COL11A1: variants seen among roughly 807,000 people sequenced by gnomAD.
The protein encoded by COL11A1 is collagen alpha-1(XI) chain.
A neutral mutation model predicts 265.2 loss-of-function variants in COL11A1; 74 were observed. That is an observed-to-expected ratio of 0.28 (90% confidence interval 0.23 to 0.34). The LOEUF is 0.34. Among genes scored for constraint, COL11A1 ranks in the 10% least tolerant of loss-of-function variants. The pLI is 1.00. For missense variants in COL11A1, 2,165 were observed against 2,263.6 expected (o/e 0.96, Z 0.88); for synonymous variants, 816 against 727.6 (o/e 1.12, Z -1.96).
chr1:103,028,376 T>C (rs1458491578), intron 5 of COL11A1, among the ~76,000 whole-genome samples: 1 of 152,164 alleles, frequency 6.6e-6, no homozygotes, highest in Non-Finnish European at 1.5e-5. Context: ...TGGTTCTCCT[T>C]TATCTGCACA....
chr1:102,933,404 GGGGGTCA>G (rs1237102564), intron 46 of COL11A1, among the ~76,000 whole-genome samples: 1 of 149,046 alleles, frequency 6.7e-6, no homozygotes, highest in Non-Finnish European at 1.5e-5. Context: ...TAGGCTGCTC[GGGGGTCA>G]GGGGTCAGGG....
chr1:102,899,208 C>T (rs909226377), intron 54 of COL11A1, among the ~76,000 whole-genome samples: 1 of 151,824 alleles, frequency 6.6e-6, no homozygotes. Flanking sequence ...ATTAAGTATA[C>T]AACAATCACT....
At chr1:102,900,392 T>C (rs2100935208) in intron 54 of COL11A1, among the ~76,000 whole-genome samples, 1 of 152,242 alleles carries the variant, frequency 6.6e-6, no homozygotes, top group East Asian at 1.9e-4. Context: ...AGAAATTATT[T>C]TGGTGTGATC....
At chr1:102,991,682 A>C (rs1403892726) in intron 28 of COL11A1, among the ~76,000 whole-genome samples, 1 of 152,196 alleles carries the variant, frequency 6.6e-6, no homozygotes, top group African/African-American at 2.4e-5. Context: ...AATGTTCAAT[A>C]AACATTTACT....
chr1:103,001,991 C>G (rs1378643674), intron 23 of COL11A1, 22 bp from the exon 24 acceptor site: 1 of 1,593,998 alleles, frequency 6.3e-7, no homozygotes, highest in Non-Finnish European at 8.6e-7. Flanking sequence ...GAATTTATTT[C>G]ATATATCAGA....
chr1:103,096,442 G>A (rs562988995), intron 1 of COL11A1, among the ~76,000 whole-genome samples: 2 of 152,078 alleles, frequency 1.3e-5, no homozygotes, highest in Admixed American at 1.3e-4. Context: ...TAAGTGAGAT[G>A]GAGAAGGCTG....
At chr1:102,980,244 A>C (rs1662912763) in intron 31 of COL11A1, among the ~76,000 whole-genome samples, 1 of 152,104 alleles carries the variant, frequency 6.6e-6, no homozygotes, top group Non-Finnish European at 1.5e-5. Context: ...ATAATTAATA[A>C]TTATTTTAAA....
chr1:102,964,538 T>A (rs969147678), intron 38 of COL11A1, among the ~76,000 whole-genome samples: 2 of 151,998 alleles, frequency 1.3e-5, no homozygotes, highest in Non-Finnish European at 2.9e-5. Flanking sequence ...TTTTTGCTTC[T>A]GTTATACATA....
intron 4 of COL11A1, among the ~76,000 whole-genome samples, chr1:103,071,129 C>G (rs1671554541): frequency 6.6e-6 from 1 of 151,932 alleles, no homozygotes; most frequent in African/African-American, 2.4e-5. Flanking sequence ...AGCTTTTCTA[C>G]TCAAATAGCC....
chr1:102,932,883 T>C (rs1657654261), intron 46 of COL11A1, among the ~76,000 whole-genome samples: 2 of 151,900 alleles, frequency 1.3e-5, no homozygotes, highest in South Asian at 4.2e-4. Context: ...GTTGATCGCA[T>C]CGGCTCCTGA....
chr1:103,025,708 G>A, intron 6 of COL11A1, 95 bp from the exon 7 acceptor site: 1 of 1,558,780 alleles, frequency 6.4e-7, no homozygotes, highest in Non-Finnish European at 8.8e-7. Context: ...TTAGCCAAGT[G>A]AGTATTTATC....
Position 102,989,511 on chromosome 1 carries a change from T to C in COL11A1, c.2394+7A>G, listed in dbSNP as rs1463617711. 1.9e-6 allele frequency: 3 copies of C among 1,601,786 alleles called. No individual in the cohort carries two copies. In the East Asian group the frequency reaches 6.7e-5, roughly 36 times the overall value. The stretch of plus-strand genomic sequence containing the variant: ...TGTGTACTGGTGTACATTTTCTCTA[T>C]ACTTACTCTGTCACCTTTTAGACCC... On this transcript the variant is annotated splice_region_variant and intron_variant, in intron 29 of 66. Coordinates refer to ENST00000370096, the MANE Select transcript of COL11A1 (RefSeq NM_001854.4).
chr1:102,949,149 A>G (rs1659620534), intron 41 of COL11A1, among the ~76,000 whole-genome samples: 1 of 152,130 alleles, frequency 6.6e-6, no homozygotes. Flanking sequence ...ACATGATGCA[A>G]CTAGGGTTAT....
chr1:103,104,857 C>G (rs149967359), intron 1 of COL11A1, among the ~76,000 whole-genome samples: 2 of 152,222 alleles, frequency 1.3e-5, no homozygotes, highest in East Asian at 3.9e-4. Context: ...ACCAAATGGA[C>G]AAATTCGATC....
rs182158380 is a variant in COL11A1, at chr1:102,946,834, C to G, written c.3276+15G>C. ...GGGTAGCAGCATAATATATTTTCTC[C>G]TAGACATTACTTACAGGAGCACCTT... On this transcript the variant is annotated intron_variant, in intron 42 of 66. Coordinates refer to ENST00000370096, the MANE Select transcript of COL11A1 (RefSeq NM_001854.4). 8.1e-6 allele frequency: 13 copies of G among 1,597,310 alleles called. No homozygotes were observed. Among genetic ancestry groups the G allele is most frequent in the Non-Finnish European group, 1.0e-5 (12 of 1,165,854 alleles).
At position 102,924,215 on chromosome 1, in the gene COL11A1, C is replaced by T. The variant is rs184268303; in HGVS notation, c.3601-826G>A. ...CAACCTGGGTGACAGAGCAAGACTC[C>T]GTCTCCAAAAGACAAAAAAATTCTT... On this transcript the variant is annotated intron_variant, in intron 46 of 66. Coordinates refer to ENST00000370096, the MANE Select transcript of COL11A1 (RefSeq NM_001854.4). Among the ~76,000 whole-genome samples, 592 of 152,196 alleles carry T rather than the reference C, an allele frequency of 3.9e-3. 5 individuals carry two copies. The highest frequency in any genetic ancestry group is 0.014 in the African/African-American group (565 of 41,532).
At chr1:103,030,719 ATTTG>A (rs2101992697) in intron 5 of COL11A1, among the ~76,000 whole-genome samples, 1 of 152,192 alleles carries the variant, frequency 6.6e-6, no homozygotes, top group South Asian at 2.1e-4. Context: ...TCACTTTCTC[ATTTG>A]TATGCATTGC....
At chr1:102,929,473 C>T (rs376416074) in intron 46 of COL11A1, among the ~76,000 whole-genome samples, 3,112 of 152,088 alleles carry the variant, frequency 0.02, 69 homozygotes, top group South Asian at 0.062. Context: ...GTACCAGTAC[C>T]ATGCTGTTTT....
intron 54 of COL11A1, among the ~76,000 whole-genome samples, chr1:102,905,211 C>T (rs747825646): frequency 8.7e-6 from 1 of 115,238 alleles, no homozygotes; most frequent in Non-Finnish European, 1.7e-5. Flanking sequence ...CATCACACAC[C>T]AGGGACTGTT....
Sources: allele counts gnomAD v4.1 joint callset (sites outside exome capture counted in the v4.1 genomes callset), GRCh38; gene constraint gnomAD v4.1.1; transcripts MANE v1.5; gene names NCBI Gene and HGNC (gene_info 2026-07-23, HGNC 2026-07-21).